The following SERHL2 variants were observed in gnomAD, a reference collection of about 807,000 sequenced individuals.
SERHL2 encodes the protein serine hydrolase like 2, also known as serine hydrolase-like protein 2.
Under a neutral mutation model 25.5 loss-of-function variants are expected in SERHL2, and 29 were observed. The ratio of observed to expected loss-of-function variants is 1.14; its 90% CI spans 0.85 to 1.55. SERHL2 has a LOEUF of 1.55. Among genes scored for constraint, SERHL2 ranks in the 40% most tolerant of loss-of-function variants. The pLI, the probability that SERHL2 is intolerant of heterozygous loss-of-function variation, is 0.00. For missense variants in SERHL2, 240 were observed against 252.3 expected (o/e 0.95, Z 0.33); for synonymous variants, 95 against 103.5 (o/e 0.92, Z 0.50).
intron 8 of SERHL2, chr22:42,563,320 CAGCCTCTTGAGT>C: frequency 3.5e-6 from 1 of 288,346 alleles, no homozygotes; most frequent in Admixed American, 4.1e-5. Flanking sequence ...CCTCCTACCT[CAGCCTCTTGAGT>C]AGCTGGGACC....
At position 42,554,337 on chromosome 22, in the gene SERHL2, A is replaced by C. The variant is rs541193774; in HGVS notation, c.22+295A>C. Among the ~76,000 whole-genome samples the C allele has an allele frequency of 5.1e-3, 770 of 151,876 alleles. 3 individuals carry two copies. Among genetic ancestry groups the C allele is most frequent in the African/African-American group, 0.017 (704 of 41,422 alleles). ...TTGCAGAGACGGAGGAGGCTGCCAG[A>C]TGTGGGGGCGGTGGGGGTTCCTGGA... On this transcript the variant is annotated intron_variant, in intron 1 of 11. Transcript: ENST00000327678.
chr22:42,562,337 G>A (rs1328661739), intron 8 of SERHL2, among the ~76,000 whole-genome samples: 1 of 151,858 alleles, frequency 6.6e-6, no homozygotes, highest in Middle Eastern at 3.2e-3. Flanking sequence ...AGAATCTGGA[G>A]CTTAAACAAC....
intron 8 of SERHL2, chr22:42,563,540 C>CCTGAAG (rs1922966455): frequency 3.2e-6 from 1 of 308,822 alleles, no homozygotes; most frequent in African/African-American, 2.2e-5. Context: ...ATATCTGGCC[C>CCTGAAG]CTGAAGCCCC....
At chr22:42,566,567 AAC>A (rs1447870304) in intron 9 of SERHL2, among the ~76,000 whole-genome samples, 7 of 151,588 alleles carry the variant, frequency 4.6e-5, no homozygotes, top group Non-Finnish European at 1.0e-4. Context: ...AGAAAAAAAA[AAC>A]AAAAGAAATT....
intron 8 of SERHL2, chr22:42,564,959 G>GGT (rs1601843225): frequency 6.9e-6 from 1 of 144,620 alleles, no homozygotes; most frequent in Admixed American, 6.7e-5. Flanking sequence ...CACCATGCTC[G>GGT]GCGCGCGCGT....
intron 11 of SERHL2, 175 bp from the exon 12 acceptor site, chr22:42,573,761 G>C (rs1223728471): frequency 2.8e-6 from 2 of 708,800 alleles, no homozygotes; most frequent in South Asian, 3.5e-5. Flanking sequence ...ACACCTCCTG[G>C]GGTGCTATGG....
At chr22:42,573,320 T>TGCTA (rs1924511079) in intron 11 of SERHL2, 2 of 146,060 alleles carry the variant, frequency 1.4e-5, no homozygotes, top group Non-Finnish European at 3.0e-5. Context: ...CTCGGCTCAC[T>TGCTA]CCAAGTTCCA....
chr22:42,559,466 C>G (rs916468531), intron 7 of SERHL2, among the ~76,000 whole-genome samples: 3 of 151,410 alleles, frequency 2.0e-5, no homozygotes, highest in Admixed American at 2.0e-4. Context: ...CTTTGGAAGG[C>G]GGAGGTGGGC....
intron 8 of SERHL2, among the ~76,000 whole-genome samples, chr22:42,564,793 T>C (rs1175429905): frequency 6.6e-6 from 1 of 151,854 alleles, no homozygotes; most frequent in African/African-American, 2.4e-5. Context: ...GTTTTTCTAC[T>C]AGTCTTTTTT....
At position 42,573,478 on chromosome 22, in the gene SERHL2, C is replaced by T. The variant is rs535123656; in HGVS notation, c.826-458C>T. ...CAGGATGCTCTTGATCTCCTGACCT[C>T]GTGATCCGCCCACCTTGGCCTCCCG... On this transcript the variant is annotated intron_variant, in intron 11 of 11. Coordinates refer to ENST00000327678, the MANE Select transcript of SERHL2 (RefSeq NM_014509.5). 5.6e-4 allele frequency: 91 copies of T among 163,490 alleles called. 1 individual carries two copies. The highest frequency in any genetic ancestry group is 9.8e-4 in the Non-Finnish European group (74 of 75,374). The allele number at this position is 163,490 out of a possible 1,614,324, so 10.1% of individuals were successfully genotyped here. A position where few individuals can be genotyped will look rare whatever the true frequency, so the allele number is the denominator to read the frequency against.
chr22:42,570,199 A>G lies in SERHL2; in HGVS notation c.649-922A>G, dbSNP rs530551102. On this transcript the variant is annotated intron_variant, in intron 9 of 11. Transcript: ENST00000327678. ...AACTTTGGGAGTCCGAGGCAGACAG[A>G]TCACCTGAGGTCAGGAGTTCAAGAC... Among the ~76,000 whole-genome samples, 105 of 152,104 alleles carry G rather than the reference A, an allele frequency of 6.9e-4. 1 individual carries two copies. Among genetic ancestry groups the G allele is most frequent in the African/African-American group, 2.4e-3 (99 of 41,552 alleles).
intron 9 of SERHL2, chr22:42,569,869 G>C (rs1401195255): frequency 1.4e-5 from 2 of 141,702 alleles, no homozygotes; most frequent in Non-Finnish European, 3.0e-5. Context: ...GTGTGTGTGT[G>C]TGTGTTCATG....
intron 8 of SERHL2, among the ~76,000 whole-genome samples, chr22:42,564,034 T>C (rs1031740338): frequency 7.3e-5 from 11 of 151,682 alleles, no homozygotes; most frequent in Non-Finnish European, 1.5e-4. Flanking sequence ...ATCATACCAT[T>C]GCACTCTAGC....
At chr22:42,572,406 C>A (rs747533672) in intron 10 of SERHL2, 30 bp from the exon 11 acceptor site, 3 of 1,559,596 alleles carry the variant, frequency 1.9e-6, no homozygotes, top group African/African-American at 1.4e-5. Flanking sequence ...TAAGATGAAC[C>A]CCAACAACCC....
chr22:42,574,052 G>C lies in SERHL2; in HGVS notation c.942G>C (p.Leu314=), dbSNP rs747399895. The change falls in exon 12 of 12, where the codon CTG becomes CTC. Residue 314 remains leucine (L), a synonymous_variant. Transcript: ENST00000327678. The stretch of plus-strand genomic sequence containing the variant: ...GCACACACATGCTCCCAGCCCAGCT[G>C]TAGCTCTGGGCCTGGAACTATGAAG... ...LQCTHMLPAQ[L] The C allele has an allele frequency of 2.2e-5, 36 of 1,612,490 alleles. 1 individual carries two copies. The African/African-American group carries it at 2.4e-4, about 11-fold the overall frequency.
intron 9 of SERHL2, among the ~76,000 whole-genome samples, chr22:42,568,606 G>C (rs1923732283): frequency 2.0e-5 from 3 of 151,984 alleles, no homozygotes; most frequent in Non-Finnish European, 4.4e-5. Context: ...AAACTAAATT[G>C]CAGAAGATAC....
chr22:42,559,229 T>TAAAAAAAAAAAAAAA (rs1194822216), intron 7 of SERHL2, among the ~76,000 whole-genome samples: 51 of 69,294 alleles, frequency 7.4e-4, no homozygotes, highest in East Asian at 1.2e-3. Context: ...ACCCTGTATT[T>TAAAAAAAAAAAAAAA]AAAAAAAAAA....
At chr22:42,559,534 T>C (rs1202626392) in intron 7 of SERHL2, among the ~76,000 whole-genome samples, 1 of 151,626 alleles carries the variant, frequency 6.6e-6, no homozygotes. Context: ...ACCCTGTGTC[T>C]ACTAAAAAAT....
chr22:42,569,965 C>G (rs941663334), intron 9 of SERHL2: 3 of 151,834 alleles, frequency 2.0e-5, no homozygotes, highest in African/African-American at 7.2e-5. Context: ...AATTAATCCA[C>G]TCAGCTGCAT....
Sources: gnomAD v4.1 joint callset for allele counts (sites outside exome capture counted in the v4.1 genomes callset) on GRCh38, gnomAD v4.1.1 for gene constraint, MANE v1.5 for transcripts, NCBI Gene and HGNC (gene_info 2026-07-23, HGNC 2026-07-21) for gene names.